ARHGEF3: variants seen among roughly 807,000 people sequenced by gnomAD.
The protein encoded by ARHGEF3 is 59.8 kDA protein.
ARHGEF3 carries 28 observed loss-of-function variants against 63.2 expected under a neutral mutation model. The observed-to-expected ratio is 0.44, with a 90% CI of 0.33 to 0.61. The LOEUF (loss-of-function observed/expected upper bound fraction) is 0.61. Ranked by LOEUF, ARHGEF3 falls within the 20% of genes least tolerant of loss-of-function variation. The pLI, the probability that ARHGEF3 is intolerant of heterozygous loss-of-function variation, is 0.03. For missense variants in ARHGEF3, 533 were observed against 659.3 expected (o/e 0.81, Z 2.10); for synonymous variants, 266 against 254.2 (o/e 1.05, Z -0.44).
At chr3:57,047,872 G>T (rs1013183249) in intron 1 of ARHGEF3, among the ~76,000 whole-genome samples, 3 of 152,034 alleles carry the variant, frequency 2.0e-5, no homozygotes, top group Non-Finnish European at 2.9e-5. Flanking sequence ...CAAACAGGAG[G>T]GTGAGAAGAA....
chr3:57,073,579 T>A, intron 1 of ARHGEF3: 1 of 1,448,824 alleles, frequency 6.9e-7, no homozygotes, highest in African/African-American at 1.4e-5. Flanking sequence ...TGAAGGTGAA[T>A]TGGAACAGTG....
chr3:57,069,384 C>CACACACAT (rs943887156), intron 1 of ARHGEF3, among the ~76,000 whole-genome samples: 2 of 151,214 alleles, frequency 1.3e-5, no homozygotes, highest in African/African-American at 4.9e-5. Context: ...CAAACACACA[C>CACACACAT]ACACACACAC....
chr3:56,763,815 T>C (rs1038675635), intron 2 of ARHGEF3, among the ~76,000 whole-genome samples: 3 of 152,090 alleles, frequency 2.0e-5, no homozygotes, highest in African/African-American at 7.2e-5. Flanking sequence ...CCTCAAGCAA[T>C]CCTCTTGTTT....
intron 3 of ARHGEF3, among the ~76,000 whole-genome samples, chr3:56,947,655 T>C (rs887874356): frequency 6.3e-4 from 96 of 152,126 alleles, no homozygotes; most frequent in Non-Finnish European, 1.2e-3. Flanking sequence ...AGAAAGAGAC[T>C]TAGACTGCCA....
intron 4 of ARHGEF3, among the ~76,000 whole-genome samples, chr3:56,853,917 C>A (rs941433677): frequency 1.8e-4 from 28 of 152,116 alleles, no homozygotes; most frequent in Non-Finnish European, 4.4e-5. Context: ...GACAATTGGC[C>A]AGGCGTAGTG....
intron 1 of ARHGEF3, among the ~76,000 whole-genome samples, chr3:57,035,396 CTGCAG>C (rs1703909798): frequency 6.6e-6 from 1 of 152,228 alleles, no homozygotes; most frequent in South Asian, 2.1e-4. Context: ...GTCACCCATG[CTGCAG>C]TGCAGTGGCA....
upstream of ARHGEF3, among the ~76,000 whole-genome samples, chr3:56,803,794 C>T (rs1022600114): frequency 3.3e-5 from 5 of 152,086 alleles, no homozygotes; most frequent in East Asian, 9.6e-4. Flanking sequence ...GAGTGAGACC[C>T]TGTCTCAAGA....
intron 1 of ARHGEF3, among the ~76,000 whole-genome samples, chr3:57,037,995 C>T (rs939009644): frequency 1.3e-5 from 2 of 152,242 alleles, no homozygotes; most frequent in African/African-American, 4.8e-5. Context: ...GGGCCTGACA[C>T]GGACATTGAC....
chr3:56,763,222 T>C (rs554119767), intron 2 of ARHGEF3, among the ~76,000 whole-genome samples: 2 of 152,182 alleles, frequency 1.3e-5, no homozygotes, highest in South Asian at 2.1e-4. Context: ...TTGGATAAGA[T>C]AAAGTACACA....
chr3:56,935,025 A>AC (rs1160339434), intron 3 of ARHGEF3, among the ~76,000 whole-genome samples: 1 of 152,198 alleles, frequency 6.6e-6, no homozygotes, highest in African/African-American at 2.4e-5. Flanking sequence ...TTGTGAATGC[A>AC]CCAATCGACA....
intron 1 of ARHGEF3, chr3:56,775,141 C>CGA: frequency 2.6e-6 from 4 of 1,540,318 alleles, no homozygotes; most frequent in Non-Finnish European, 3.5e-6. Context: ...AGGTATTCAT[C>CGA]TTTCCTTTTC....
chr3:56,763,133 C>G (rs2035514136), intron 2 of ARHGEF3, among the ~76,000 whole-genome samples: 1 of 152,034 alleles, frequency 6.6e-6, no homozygotes, highest in South Asian at 2.1e-4. Flanking sequence ...GCTGAGAGAC[C>G]TTTCATCTCT....
At chr3:56,878,121 A>G (rs1234472214) in intron 4 of ARHGEF3, among the ~76,000 whole-genome samples, 2 of 152,184 alleles carry the variant, frequency 1.3e-5, no homozygotes, top group Non-Finnish European at 2.9e-5. Context: ...TTTGTTTTAT[A>G]AGAAAGAATG....
chr3:56,756,021 C>T (rs1393389423), intron 2 of ARHGEF3, among the ~76,000 whole-genome samples: 1 of 152,198 alleles, frequency 6.6e-6, no homozygotes, highest in Non-Finnish European at 1.5e-5. Flanking sequence ...CTTGAAAAGT[C>T]CTGACTAATA....
At chr3:57,030,892 A>G (rs1419170665) in intron 2 of ARHGEF3, among the ~76,000 whole-genome samples, 1 of 152,252 alleles carries the variant, frequency 6.6e-6, no homozygotes, top group African/African-American at 2.4e-5. Flanking sequence ...TCCTCACAAT[A>G]AAGTCATTTG....
chr3:56,731,893 C>T, intron 9 of ARHGEF3: 2 of 437,488 alleles, frequency 4.6e-6, no homozygotes, highest in Non-Finnish European at 8.2e-6. Context: ...CAACTGGCAT[C>T]CATGTAGGGA....
intron 7 of ARHGEF3, among the ~76,000 whole-genome samples, chr3:56,742,442 C>A (rs976381981): frequency 6.6e-6 from 1 of 152,160 alleles, no homozygotes; most frequent in Non-Finnish European, 1.5e-5. Context: ...TAGATCTAAT[C>A]ATAGGTATGA....
At chr3:56,757,474 CAG>C (rs1483344527) in intron 2 of ARHGEF3, among the ~76,000 whole-genome samples, 1 of 147,236 alleles carries the variant, frequency 6.8e-6, no homozygotes, top group African/African-American at 2.5e-5. Context: ...GACTCCGTCT[CAG>C]AAAAAAAAAA....
intron 4 of ARHGEF3, among the ~76,000 whole-genome samples, chr3:56,809,488 C>A (rs2037985564): frequency 6.6e-6 from 1 of 152,074 alleles, no homozygotes; most frequent in Non-Finnish European, 1.5e-5. Context: ...TTTCTGGATG[C>A]ACAGTTTGTA....
Sources: allele counts gnomAD v4.1 joint callset (sites outside exome capture counted in the v4.1 genomes callset), GRCh38; gene constraint gnomAD v4.1.1; transcripts MANE v1.5; gene names NCBI Gene and HGNC (gene_info 2026-07-23, HGNC 2026-07-21).